The following ANKRD6 variants were observed in gnomAD, a reference collection of about 807,000 sequenced individuals.
ANKRD6 encodes ankyrin repeat domain 6.
ANKRD6 carries 56 observed loss-of-function variants against 82.3 expected under a neutral mutation model. The observed-to-expected ratio is 0.68, with a 90% confidence interval of 0.55 to 0.85. The LOEUF is 0.85. ANKRD6 is among the 40% of genes least tolerant of loss of function. ANKRD6 has a pLI of 0.00. For missense variants in ANKRD6, 852 were observed against 907.6 expected, an observed-to-expected ratio of 0.94 and a Z score of 0.79; for synonymous variants, 347 against 352.1, an observed-to-expected ratio of 0.99 and a Z score of 0.16.
intron 1 of ANKRD6, among the ~76,000 whole-genome samples, chr6:89,466,813 C>T (rs1427909886): frequency 6.6e-6 from 1 of 152,112 alleles, no homozygotes; most frequent in Non-Finnish European, 1.5e-5. Flanking sequence ...CTCAAGCAAT[C>T]CTCTCACCTC....
At chr6:89,571,837 A>G (rs1156499975) in intron 2 of ANKRD6, among the ~76,000 whole-genome samples, 1 of 152,154 alleles carries the variant, frequency 6.6e-6, no homozygotes, top group East Asian at 1.9e-4. Flanking sequence ...GATTTGGAAA[A>G]ATGTATAATG....
At chr6:89,533,065 CG>C (rs1783380378) in intron 1 of ANKRD6, among the ~76,000 whole-genome samples, 1 of 151,826 alleles carries the variant, frequency 6.6e-6, no homozygotes, top group Non-Finnish European at 1.5e-5. Flanking sequence ...TTAGTAGAGA[CG>C]GGGTTTCACC....
rs538676071 is a variant in ANKRD6 at position 89,461,475 on chromosome 6, G to A, written c.-144+28100G>A. Reference sequence around the variant, plus strand: ...AGTTACCCAAGTGATACAACAGTGAGAAGTAAGAGATTCATGGCTTTATGT... The same window carrying A: ...AGTTACCCAAGTGATACAACAGTGAAAAGTAAGAGATTCATGGCTTTATGT... On this transcript the variant is annotated intron_variant, in intron 1 of 15. Transcript: ENST00000339746. Among the ~76,000 whole-genome samples the A allele has an allele frequency of 3.9e-5, 6 of 152,280 alleles. No homozygotes were observed. The East Asian group carries it at 1.2e-3, about 29-fold the overall frequency.
intron 1 of ANKRD6, among the ~76,000 whole-genome samples, chr6:89,446,072 G>C (rs1340790752): frequency 1.3e-5 from 2 of 152,070 alleles, no homozygotes; most frequent in Non-Finnish European, 2.9e-5. Context: ...AGGTGAATTG[G>C]CTGGGCACAG....
chr6:89,533,536 C>CT (rs1357774081), intron 1 of ANKRD6, among the ~76,000 whole-genome samples: 1 of 152,164 alleles, frequency 6.6e-6, no homozygotes, highest in Non-Finnish European at 1.5e-5. Flanking sequence ...CTGTAGTCTT[C>CT]TCTGGACCAT....
At chr6:89,597,879 C>T (rs1186484540) in intron 3 of ANKRD6, among the ~76,000 whole-genome samples, 1 of 152,148 alleles carries the variant, frequency 6.6e-6, no homozygotes, top group Non-Finnish European at 1.5e-5. Context: ...CAATATGATC[C>T]ATGCCTGTTC....
chr6:89,542,977 T>TTTTA (rs1271427691), intron 1 of ANKRD6, among the ~76,000 whole-genome samples: 1 of 152,238 alleles, frequency 6.6e-6, no homozygotes, highest in Non-Finnish European at 1.5e-5. Flanking sequence ...AGGGTGGGGA[T>TTTTA]TTTATTTATC....
intron 1 of ANKRD6, among the ~76,000 whole-genome samples, chr6:89,504,127 TG>T (rs1382374872): frequency 1.2e-5 from 1 of 80,738 alleles, no homozygotes; most frequent in East Asian, 4.7e-4. Context: ...TGAGATAGTG[TG>T]GGGGGCGGGG....
chr6:89,599,002 C>T lies in ANKRD6; in HGVS notation c.219+2988C>T, dbSNP rs139515023. On this transcript the variant is annotated intron_variant, in intron 3 of 15. Transcript: ENST00000339746. ...TTGATTTCTGGTCCAAGCATGCTGT[C>T]CTAGGCTTATCAATAAAATGAGAGA... is the stretch of plus-strand genomic sequence containing the variant. Among the ~76,000 whole-genome samples, 305 of 152,200 alleles carry T rather than the reference C, an allele frequency of 2.0e-3. 2 individuals are homozygous for T. Among genetic ancestry groups the T allele is most frequent in the African/African-American group, 7.1e-3 (294 of 41,522 alleles).
At chr6:89,617,882 C>A in intron 8 of ANKRD6, 72 bp from the exon 9 acceptor site, 1 of 1,456,656 alleles carries the variant, frequency 6.9e-7, no homozygotes, top group Non-Finnish European at 9.6e-7. Flanking sequence ...CTGGCCAGAG[C>A]TGTGCCAGCT....
chr6:89,533,727 A>T (rs904687903), intron 1 of ANKRD6, among the ~76,000 whole-genome samples: 1 of 142,038 alleles, frequency 7.0e-6, no homozygotes, highest in African/African-American at 2.7e-5. Flanking sequence ...AGAGAAAATG[A>T]GTGTGTGTGT....
chr6:89,591,342 T>A (rs1232536962), intron 2 of ANKRD6, among the ~76,000 whole-genome samples: 1 of 152,178 alleles, frequency 6.6e-6, no homozygotes, highest in East Asian at 1.9e-4. Context: ...GCTCAAGTGA[T>A]CCACCCGCCT....
chr6:89,631,292 C>A lies in ANKRD6; in HGVS notation c.*288C>A. ...GTTTGAAAGCTCAGATTAAGCAAGC[C>A]ATGCCAAGAAACTGGACGATGTGTA... On this transcript the variant is annotated 3_prime_UTR_variant, in exon 16 of 16. Coordinates refer to ENST00000339746, the MANE Select transcript of ANKRD6 (RefSeq NM_001242809.2). The A allele has an allele frequency of 3.4e-6, 1 of 292,364 alleles. No individual in the cohort carries two copies. Among genetic ancestry groups the A allele is most frequent in the Non-Finnish European group, 6.1e-6 (1 of 164,284 alleles). 18.1% of individuals were successfully genotyped at this position (292,364 alleles called of 1,614,324 possible).
At chr6:89,470,456 CA>C (rs896775238) in intron 1 of ANKRD6, among the ~76,000 whole-genome samples, 19 of 152,188 alleles carry the variant, frequency 1.2e-4, no homozygotes, top group Non-Finnish European at 1.9e-4. Flanking sequence ...CTTGTCTCTA[CA>C]AAAAATTTAA....
At chr6:89,457,855 C>T (rs1440784875) in intron 1 of ANKRD6, among the ~76,000 whole-genome samples, 1 of 152,090 alleles carries the variant, frequency 6.6e-6, no homozygotes, top group Non-Finnish European at 1.5e-5. Flanking sequence ...TTTGTGTCTC[C>T]CCCGCGAATT....
At chr6:89,458,927 C>T (rs1179009964) in intron 1 of ANKRD6, among the ~76,000 whole-genome samples, 2 of 152,222 alleles carry the variant, frequency 1.3e-5, no homozygotes, top group Admixed American at 6.5e-5. Flanking sequence ...GCAGCTACTC[C>T]TGCCATGCCC....
intron 1 of ANKRD6, among the ~76,000 whole-genome samples, chr6:89,451,263 C>G (rs183809179): frequency 6.6e-5 from 10 of 152,256 alleles, no homozygotes; most frequent in African/African-American, 2.4e-4. Flanking sequence ...GAGCTGAGAT[C>G]ACGCCACTGC....
At chr6:89,595,791 C>G in intron 2 of ANKRD6, 125 bp from the exon 3 acceptor site, 1 of 696,254 alleles carries the variant, frequency 1.4e-6, no homozygotes, top group Admixed American at 2.5e-5. Flanking sequence ...TCCTGCCAAT[C>G]CAAAGGGGCA....
intron 1 of ANKRD6, among the ~76,000 whole-genome samples, chr6:89,436,310 A>G (rs1479848292): frequency 6.6e-6 from 1 of 152,218 alleles, no homozygotes; most frequent in East Asian, 1.9e-4. Flanking sequence ...TTATCACAGC[A>G]GCCACAGAAA....
Sources: gnomAD v4.1 joint callset for allele counts (sites outside exome capture counted in the v4.1 genomes callset) on GRCh38, gnomAD v4.1.1 for gene constraint, MANE v1.5 for transcripts, NCBI Gene and HGNC (gene_info 2026-07-23, HGNC 2026-07-21) for gene names.